The following KIAA1328 variants were observed in gnomAD, a reference collection of about 807,000 sequenced individuals.
The protein encoded by KIAA1328 is protein hinderin.
In KIAA1328, 52 loss-of-function variants were observed where a neutral mutation model predicts 68.1. That is an observed-to-expected ratio of 0.76 (90% CI 0.61 to 0.96). The LOEUF is 0.96. Among genes scored for constraint, KIAA1328 ranks in the 40% least tolerant of loss-of-function variants. The pLI is 0.00. For synonymous variants in KIAA1328, 232 were observed against 239.4 expected (o/e 0.97, Z 0.28); for missense variants, 641 against 677.6 (o/e 0.95, Z 0.60).
chr18:37,152,385 G>C (rs1282733049), intron 7 of KIAA1328, among the ~76,000 whole-genome samples: 1 of 152,106 alleles, frequency 6.6e-6, no homozygotes, highest in East Asian at 1.9e-4. Context: ...CCCTGGTATC[G>C]TCTCCAGATG....
intron 9 of KIAA1328, among the ~76,000 whole-genome samples, chr18:37,187,100 GT>G (rs1170042261): frequency 2.6e-5 from 4 of 151,870 alleles, no homozygotes; most frequent in African/African-American, 4.8e-5. Context: ...GGAAGCAGAG[GT>G]TACAGTGAGC....
intron 6 of KIAA1328, among the ~76,000 whole-genome samples, chr18:36,982,546 A>AT (rs1568250103): frequency 6.6e-6 from 1 of 151,974 alleles, no homozygotes. Flanking sequence ...AGAAAAAAAA[A>AT]CTTTAAAAGC....
intron 4 of KIAA1328, among the ~76,000 whole-genome samples, chr18:36,859,417 T>C (rs1329859551): frequency 1.3e-5 from 2 of 152,188 alleles, no homozygotes; most frequent in East Asian, 1.9e-4. Context: ...TTGTTCAGAG[T>C]TGATTATTTT....
At chr18:36,965,431 A>G (rs1404106814) in intron 6 of KIAA1328, among the ~76,000 whole-genome samples, 3 of 150,652 alleles carry the variant, frequency 2.0e-5, no homozygotes, top group Non-Finnish European at 4.4e-5. Context: ...TTAAAAGGCG[A>G]TCAGGAGTTC....
intron 7 of KIAA1328, among the ~76,000 whole-genome samples, chr18:37,086,860 A>G (rs1010696075): frequency 5.3e-5 from 8 of 152,154 alleles, no homozygotes; most frequent in Non-Finnish European, 7.4e-5. Context: ...AAAATTCTAA[A>G]AATGTATGCT....
Position 37,134,099 on chromosome 18 carries a change from C to T in KIAA1328, c.1233-26101C>T, listed in dbSNP as rs545860121. 7.4e-4 allele frequency among the ~76,000 whole-genome samples: 112 copies of T among 152,004 alleles called. No homozygotes were observed. In the Middle Eastern group the frequency reaches 0.014, roughly 18 times the overall value. ...CATGATCTCGGCTCTCTGCAATCTC[C>T]GCCTCCCAGATACAAGCGATTCTCC... On this transcript the variant is annotated intron_variant, in intron 7 of 9. Transcript: ENST00000280020.
intron 9 of KIAA1328, among the ~76,000 whole-genome samples, chr18:37,178,798 T>C (rs937505804): frequency 6.6e-6 from 1 of 152,212 alleles, no homozygotes; most frequent in Non-Finnish European, 1.5e-5. Flanking sequence ...TATTTCATTG[T>C]GGTTTTGATT....
chr18:37,042,773 T>A (rs894888968), intron 6 of KIAA1328, among the ~76,000 whole-genome samples: 1 of 152,074 alleles, frequency 6.6e-6, no homozygotes, highest in South Asian at 2.1e-4. Flanking sequence ...TGCCGATTAA[T>A]GTTTTTCTGG....
At chr18:37,170,244 A>T (rs2154213350) in intron 8 of KIAA1328, among the ~76,000 whole-genome samples, 1 of 152,244 alleles carries the variant, frequency 6.6e-6, no homozygotes, top group South Asian at 2.1e-4. Context: ...TCCCTCTAAA[A>T]TAATGCTTAC....
At chr18:37,122,104 A>G (rs150030566) in intron 7 of KIAA1328, among the ~76,000 whole-genome samples, 12 of 152,266 alleles carry the variant, frequency 7.9e-5, no homozygotes, top group African/African-American at 2.4e-4. Flanking sequence ...CAATATTTCA[A>G]GAATTAGCTG....
intron 5 of KIAA1328, among the ~76,000 whole-genome samples, chr18:36,948,269 T>G (rs1038637633): frequency 2.1e-5 from 3 of 145,662 alleles, no homozygotes; most frequent in South Asian, 2.2e-4. Context: ...TTGTTTTTTT[T>G]TTTTTTTTTT....
At chr18:36,907,029 C>T (rs747203299) in intron 5 of KIAA1328, among the ~76,000 whole-genome samples, 3 of 151,994 alleles carry the variant, frequency 2.0e-5, no homozygotes, top group Non-Finnish European at 4.4e-5. Flanking sequence ...GCAGACCGTA[C>T]GTCTGTTGTC....
intron 5 of KIAA1328, among the ~76,000 whole-genome samples, chr18:36,908,965 G>A (rs983174588): frequency 1.3e-5 from 2 of 152,034 alleles, no homozygotes; most frequent in South Asian, 4.1e-4. Context: ...ACTTAGTAGT[G>A]CCAGAATTGA....
chr18:37,038,853 T>G (rs898511385), intron 6 of KIAA1328, among the ~76,000 whole-genome samples: 6 of 152,168 alleles, frequency 3.9e-5, no homozygotes, highest in Non-Finnish European at 4.4e-5. Flanking sequence ...AGCTGCAGGT[T>G]TTTTATAGAT....
At chr18:37,053,811 CGTG>C (rs1394969413) in intron 6 of KIAA1328, among the ~76,000 whole-genome samples, 1 of 152,046 alleles carries the variant, frequency 6.6e-6, no homozygotes, top group Non-Finnish European at 1.5e-5. Flanking sequence ...TCCCCCAACA[CGTG>C]AGGATTACAA....
At chr18:36,833,167 G>A (rs2046554869) in intron 1 of KIAA1328, 1 of 152,142 alleles carries the variant, frequency 6.6e-6, no homozygotes, top group African/African-American at 2.4e-5. Context: ...TGGTGCTGTG[G>A]AGAAAAAATA....
In KIAA1328 at chr18:36,928,245, G is replaced by T. The variant is rs1334141769; in HGVS notation, c.449-31063G>T. Among the ~76,000 whole-genome samples, 3 of 152,212 alleles carry T rather than the reference G, an allele frequency of 2.0e-5. No homozygotes were observed. The East Asian group carries it at 5.8e-4, about 29-fold the overall frequency. The stretch of plus-strand genomic sequence containing the variant: ...TATTGCTGTCTATGGTGCCTTATTG[G>T]GATGAAGATAAAGGTCTTGACCCCT... On this transcript the variant is annotated intron_variant, in intron 5 of 9. Coordinates refer to ENST00000280020, the MANE Select transcript of KIAA1328 (RefSeq NM_020776.3).
intron 6 of KIAA1328, among the ~76,000 whole-genome samples, chr18:37,038,064 G>A (rs2055098097): frequency 6.6e-6 from 1 of 151,908 alleles, no homozygotes. Context: ...TCGTGCCACT[G>A]CACTCTAGCC....
At chr18:36,994,821 C>G (rs1317030139) in intron 6 of KIAA1328, among the ~76,000 whole-genome samples, 1 of 152,162 alleles carries the variant, frequency 6.6e-6, no homozygotes, top group East Asian at 1.9e-4. Context: ...AGCCTTGCCT[C>G]TACTCTCATT....
Sources: gnomAD v4.1 joint callset for allele counts (sites outside exome capture counted in the v4.1 genomes callset) on GRCh38, gnomAD v4.1.1 for gene constraint, MANE v1.5 for transcripts, NCBI Gene and HGNC (gene_info 2026-07-23, HGNC 2026-07-21) for gene names.